DKK1: variants seen among roughly 807,000 people sequenced by gnomAD.
DKK1 encodes dickkopf-related protein 1.
In DKK1, 18 loss-of-function variants were observed where a neutral mutation model predicts 26.0. That is an observed-to-expected ratio of 0.69 (90% confidence interval 0.48 to 1.03). The LOEUF is 1.03. DKK1 is among the 50% of genes least tolerant of loss of function. DKK1 has a pLI of 0.00. For missense variants in DKK1, 335 were observed against 348.5 expected, an observed-to-expected ratio of 0.96 and a Z score of 0.31; for synonymous variants, 130 against 132.6, an observed-to-expected ratio of 0.98 and a Z score of 0.13.
At chr10:52,315,114 A>G (rs779008070) in intron 2 of DKK1, 29 bp downstream of exon 2, 6 of 1,086,908 alleles carry the variant, frequency 5.5e-6, no homozygotes, top group Middle Eastern at 2.9e-4. Flanking sequence ...CTTTCACACT[A>G]AAACTGTCCA....
chr10:52,314,724 C>A lies in DKK1; in HGVS notation c.243+47C>A. On this transcript the variant is annotated intron_variant, in intron 1 of 3. Coordinates refer to ENST00000373970, the MANE Select transcript of DKK1 (RefSeq NM_012242.4). The surrounding 1 kb of genome is among the most constrained non-coding windows in gnomAD (Gnocchi z 5.7). The stretch of plus-strand genomic sequence containing the variant: ...GAGGATGCTCTGACCTTGAAAGGGT[C>A]CTATCTGGAGACGAGGGAGTAGAAC... 1.3e-6 allele frequency: 2 copies of A among 1,597,890 alleles called. No homozygotes were observed. The highest frequency in any genetic ancestry group is 1.7e-6 in the Non-Finnish European group (2 of 1,170,856).
At position 52,316,568 on chromosome 10, in the gene DKK1, G is replaced by C. The variant is rs1168273292; in HGVS notation, c.562G>C (p.Val188Leu). ...CTCCTTCGTAGGACAAGAAGGTTCT[G>C]TTTGTCTCCGGTCATCAGACTGTGC... ...MYHTKGQEGS[V>L]CLRSSDCASG... The change falls in exon 4 of 4, where the codon GTT becomes CTT. Residue 188 changes from valine to leucine, a missense_variant. Val to Leu is a conservative substitution (Grantham distance 32). Transcript: ENST00000373970. The C allele has an allele frequency of 6.2e-7, 1 of 1,614,006 alleles. No individual in the cohort carries two copies. Among genetic ancestry groups the C allele is most frequent in the Non-Finnish European group, 8.5e-7 (1 of 1,180,004 alleles).
Position 52,316,593 on chromosome 10 carries a change from C to T in DKK1, c.587C>T (p.Ala196Val), listed in dbSNP as rs1339223000. The T allele has an allele frequency of 5.6e-6, 9 of 1,613,936 alleles. No individual in the cohort carries two copies. The East Asian group carries it at 1.1e-4, about 20-fold the overall frequency. Residue 196 changes from alanine (A) to valine (V), a missense_variant, in exon 4 of 4, where the codon GCC (alanine) becomes GTC (valine). By Grantham distance (64) the Ala-to-Val change is moderately conservative. Transcript: ENST00000373970. Reference protein sequence around the residue: ...GSVCLRSSDCASGLCCARHFW... With the variant: ...GSVCLRSSDCVSGLCCARHFW... ...GTTTGTCTCCGGTCATCAGACTGTG[C>T]CTCAGGATTGTGTTGTGCTAGACAC...
In DKK1 at chr10:52,316,869, A is replaced by T. The variant is rs1284367779; in HGVS notation, c.*62A>T. The T allele has an allele frequency of 3.9e-6, 6 of 1,543,842 alleles. 1 individual carries two copies. Among genetic ancestry groups the T allele is most frequent in the Non-Finnish European group, 5.3e-6 (6 of 1,134,798 alleles). On this transcript the variant is annotated 3_prime_UTR_variant, in exon 4 of 4. Transcript: ENST00000373970. ...ATAGATGCTATGAAAACCTTTTATGACCTTCATCAACTCAATCCTAAGGAT... is the reference window on the plus strand; with the variant it reads ...ATAGATGCTATGAAAACCTTTTATGTCCTTCATCAACTCAATCCTAAGGAT...
rs769101264 is a variant in DKK1 at position 52,314,617 on chromosome 10, C to T, written c.183C>T (p.Ser61=). 1.2e-6 allele frequency: 2 copies of T among 1,613,238 alleles called. No individual in the cohort carries two copies. The highest frequency in any genetic ancestry group is 1.1e-5 in the South Asian group (1 of 91,042). ...CGGGGCACCCAGGCTCTGCAGTCAG[C>T]GCCGCGCCGGGAATCCTGTACCCGG... is the stretch of plus-strand genomic sequence containing the variant. ...GAAGHPGSAV[S]AAPGILYPGG... Residue 61 remains serine, a synonymous_variant, in exon 1 of 4, where the codon AGC becomes AGT. Transcript: ENST00000373970. The surrounding 1 kb of genome is among the most constrained non-coding windows in gnomAD (Gnocchi z 5.7).
rs557277113 is a variant in DKK1, at chr10:52,317,007, T to C, written c.*200T>C. ...CCTGTGATTGCAGTAAATTACTGTA[T>C]TGTAAATTCTCAGTGTGGCACTTAC... On this transcript the variant is annotated 3_prime_UTR_variant, in exon 4 of 4. Coordinates refer to ENST00000373970, the MANE Select transcript of DKK1 (RefSeq NM_012242.4). 4.9e-4 allele frequency: 289 copies of C among 594,118 alleles called. 1 individual carries two copies. The highest frequency in any genetic ancestry group is 4.0e-3 in the African/African-American group (214 of 53,902). The allele number at this position is 594,118 out of a possible 1,614,324, so 36.8% of individuals were successfully genotyped here.
intron 2 of DKK1, among the ~76,000 whole-genome samples, 196 bp from the exon 3 acceptor site, chr10:52,316,099 G>A (rs772285355): frequency 1.3e-5 from 2 of 152,220 alleles, no homozygotes; most frequent in Non-Finnish European, 2.9e-5. Context: ...ACTGTATACA[G>A]TATACACATT....
At position 52,316,851 on chromosome 10, in the gene DKK1, C is replaced by A; in HGVS notation, c.*44C>A. On this transcript the variant is annotated 3_prime_UTR_variant, in exon 4 of 4. Coordinates refer to ENST00000373970, the MANE Select transcript of DKK1 (RefSeq NM_012242.4). ...GTGAACTCCTTTTATATAATAGATG[C>A]TATGAAAACCTTTTATGACCTTCAT... 2 of 1,589,306 alleles carry A rather than the reference C, an allele frequency of 1.3e-6. No individual in the cohort carries two copies. The highest frequency in any genetic ancestry group is 1.7e-6 in the Non-Finnish European group (2 of 1,167,216).
Position 52,316,324 on chromosome 10 carries a change from T to C in DKK1, c.436T>C (p.Phe146Leu). The C allele has an allele frequency of 6.2e-7, 1 of 1,614,156 alleles. No homozygotes were observed. Among genetic ancestry groups the C allele is most frequent in the South Asian group, 1.1e-5 (1 of 91,074 alleles). The change falls in exon 3 of 4, where the codon TTC becomes CTC. Residue 146 changes from phenylalanine (F) to leucine (L), a missense_variant. Coordinates refer to ENST00000373970, the MANE Select transcript of DKK1 (RefSeq NM_012242.4). The part of the protein sequence containing the change: ...GICVSSDQNH[F>L]RGEIEETITE... ...ATGTGTGTCTTCTGATCAAAATCAT[T>C]TCCGAGGAGAAATTGAGGAAACCAT...
Position 52,314,689 on chromosome 10 carries a change from C to T in DKK1, c.243+12C>T. On this transcript the variant is annotated intron_variant, in intron 1 of 3. Coordinates refer to ENST00000373970, the MANE Select transcript of DKK1 (RefSeq NM_012242.4). The surrounding 1 kb of genome is among the most constrained non-coding windows in gnomAD (Gnocchi z 5.7). ...TTGACAACTACCAGGTGAGAGGGGT[C>T]GGGCACTCAGAGGATGCTCTGACCT... The T allele has an allele frequency of 6.2e-7, 1 of 1,610,782 alleles. No homozygotes were observed. The highest frequency in any genetic ancestry group is 8.5e-7 in the Non-Finnish European group (1 of 1,178,432).
At chr10:52,316,517 A>T in intron 3 of DKK1, 37 bp from the exon 4 acceptor site, 2 of 1,612,198 alleles carry the variant, frequency 1.2e-6, no homozygotes, top group Non-Finnish European at 1.7e-6. Context: ...TTTAACAGTA[A>T]CTATGTACTT....
chr10:52,314,821 T>C lies in DKK1; in HGVS notation c.244-102T>C. On this transcript the variant is annotated intron_variant, in intron 1 of 3. Transcript: ENST00000373970. The surrounding 1 kb of genome is among the most constrained non-coding windows in gnomAD (Gnocchi z 5.7). The stretch of plus-strand genomic sequence containing the variant: ...GGGAGCAGTGGGCAGTAACAGGTTT[T>C]GGAGAGGTGGACAGATAAGGACTGT... 1 of 1,478,038 alleles carries C rather than the reference T, an allele frequency of 6.8e-7. No homozygotes were observed. The allele number at this position is 1,478,038 out of a possible 1,614,324, so 91.6% of individuals were successfully genotyped here.
Position 52,316,930 on chromosome 10 carries a change from A to G in DKK1, c.*123A>G, listed in dbSNP as rs571514241. ...TGTGGTTTCAGTTAAGCATTCCAAT[A>G]ACACCTTCCAAAAACCTGGAGTGTA... On this transcript the variant is annotated 3_prime_UTR_variant, in exon 4 of 4. Coordinates refer to ENST00000373970, the MANE Select transcript of DKK1 (RefSeq NM_012242.4). 1 of 1,126,358 alleles carries G rather than the reference A, an allele frequency of 8.9e-7. No homozygotes were observed. Among genetic ancestry groups the G allele is most frequent in the African/African-American group, 1.6e-5 (1 of 63,436 alleles). 69.8% of individuals were successfully genotyped at this position (1,126,358 alleles called of 1,614,324 possible). A position where few individuals can be genotyped will look rare whatever the true frequency, so the allele number is the denominator to read the frequency against.
At chr10:52,315,423 T>G (rs950580193) in intron 2 of DKK1, 1 of 222,964 alleles carries the variant, frequency 4.5e-6, no homozygotes. Context: ...AGGGGGATGA[T>G]GAGGAGGACG....
At position 52,316,686 on chromosome 10, in the gene DKK1, G is replaced by T. The variant is rs747806465; in HGVS notation, c.680G>T (p.Gly227Val). The T allele has an allele frequency of 1.2e-6, 2 of 1,614,110 alleles. No homozygotes were observed. The highest frequency in any genetic ancestry group is 1.7e-6 in the Non-Finnish European group (2 of 1,180,006). ...GQVCTKHRRKGSHGLEIFQRC... is the reference protein window; with the variant it reads ...GQVCTKHRRKVSHGLEIFQRC... The stretch of plus-strand genomic sequence containing the variant: ...GTGTGTACCAAGCATAGGAGAAAAG[G>T]CTCTCATGGACTAGAAATATTCCAG... The change falls in exon 4 of 4, where the codon GGC becomes GTC. Residue 227 changes from glycine (G) to valine (V), a missense_variant. Gly to Val is a moderately radical substitution (Grantham distance 109). Coordinates refer to ENST00000373970, the MANE Select transcript of DKK1 (RefSeq NM_012242.4).
In DKK1 at chr10:52,314,656, C is replaced by G; in HGVS notation, c.222C>G (p.Tyr74Ter). ...PGILYPGGNKYQTIDNYQPYP... is the reference protein window; with the variant it reads ...PGILYPGGNK ...TCCTGTACCCGGGCGGGAATAAGTA[C>G]CAGACCATTGACAACTACCAGGTGA... Residue 74 changes from tyrosine to a stop codon, truncating the protein, a stop_gained, in exon 1 of 4, where the codon TAC (tyrosine) becomes TAG (stop). Transcript: ENST00000373970. LOFTEE classifies it high-confidence loss of function. The surrounding 1 kb of genome is among the most constrained non-coding windows in gnomAD (Gnocchi z 5.7). 1 of 1,613,050 alleles carries G rather than the reference C, an allele frequency of 6.2e-7. No homozygotes were observed. The highest frequency in any genetic ancestry group is 1.1e-5 in the South Asian group (1 of 91,044).
At position 52,317,182 on chromosome 10, in the gene DKK1, GT is replaced by G. The variant is rs200054686; in HGVS notation, c.*377del. 2,448 of 194,044 alleles carry G rather than the reference GT, an allele frequency of 0.013. 52 individuals are homozygous for G. Among genetic ancestry groups the G allele is most frequent in the African/African-American group, 0.053 (2,230 of 42,134 alleles). 12.0% of individuals were successfully genotyped at this position (194,044 alleles called of 1,614,324 possible). A position where few individuals can be genotyped will look rare whatever the true frequency, so the allele number is the denominator to read the frequency against. On this transcript the variant is annotated 3_prime_UTR_variant, in exon 4 of 4. Coordinates refer to ENST00000373970, the MANE Select transcript of DKK1 (RefSeq NM_012242.4). ...CTGAAGTAAATCATTTCAGCTTATA[GT>G]TCTTAAAAGCATAACCCTTTACCCC...
In DKK1 at chr10:52,314,282, C is replaced by T. The variant is rs1034457381; in HGVS notation, c.-153C>T. 1.8e-5 allele frequency: 22 copies of T among 1,193,384 alleles called. No individual in the cohort carries two copies. In the Middle Eastern group the frequency reaches 8.8e-4, roughly 47 times the overall value. The allele number at this position is 1,193,384 out of a possible 1,614,324, so 73.9% of individuals were successfully genotyped here. A position where few individuals can be genotyped will look rare whatever the true frequency, so the allele number is the denominator to read the frequency against. On this transcript the variant is annotated 5_prime_UTR_variant, in exon 1 of 4. Transcript: ENST00000373970. This position sits in a 1 kb window ranked among gnomAD's most constrained non-coding sequence, Gnocchi z 5.7. ...GGCAGCCGCGGTGGCGGTGGCGGCG[C>T]AGAGCTCTGTGCTCCCTGCAGTCAG... is the stretch of plus-strand genomic sequence containing the variant.
Position 52,316,889 on chromosome 10 carries a change from A to G in DKK1, c.*82A>G, listed in dbSNP as rs74711339. ...TTATGACCTTCATCAACTCAATCCT[A>G]AGGATATACAAGTTCTGTGGTTTCA... On this transcript the variant is annotated 3_prime_UTR_variant, in exon 4 of 4. Transcript: ENST00000373970. 81,328 of 1,466,686 alleles carry G rather than the reference A, an allele frequency of 0.055. 2,599 individuals carry two copies. The highest frequency in any genetic ancestry group is 0.066 in the Non-Finnish European group (71,372 of 1,082,356). The allele number at this position is 1,466,686 out of a possible 1,614,324, so 90.9% of individuals were successfully genotyped here.
Sources: allele counts gnomAD v4.1 joint callset (sites outside exome capture counted in the v4.1 genomes callset), GRCh38; gene constraint gnomAD v4.1.1; non-coding constraint Gnocchi (gnomAD v3.1); transcripts MANE v1.5; gene names NCBI Gene and HGNC (gene_info 2026-07-23, HGNC 2026-07-21).